ACTR2: variants seen among roughly 807,000 people sequenced by gnomAD.
The protein encoded by ACTR2 is actin related protein 2.
A neutral mutation model predicts 50.2 loss-of-function variants in ACTR2; 5 were observed. The observed-to-expected ratio is 0.10, with a 90% confidence interval of 0.05 to 0.21. The LOEUF (loss-of-function observed/expected upper bound fraction) is 0.21, where lower values mean the gene tolerates loss of function less well. Ranked by LOEUF, ACTR2 falls within the 10% of genes least tolerant of loss-of-function variation. The probability of loss-of-function intolerance (pLI) is 1.00; values close to 1 mark genes in which losing one functional copy is unlikely to be tolerated. For missense variants in ACTR2, 180 were observed against 480.6 expected (o/e 0.37, Z 5.85); for synonymous variants, 140 against 162.9 (o/e 0.86, Z 1.07).
At chr2:65,253,466 A>T (rs1008675044) in intron 4 of ACTR2, among the ~76,000 whole-genome samples, 4 of 152,062 alleles carry the variant, frequency 2.6e-5, no homozygotes, top group Non-Finnish European at 4.4e-5. Flanking sequence ...AGGAAAAAAA[A>T]GTCCTGTTTT....
chr2:65,261,611 A>G (rs538935455), intron 7 of ACTR2, among the ~76,000 whole-genome samples: 14 of 152,244 alleles, frequency 9.2e-5, no homozygotes, highest in Non-Finnish European at 1.8e-4. Flanking sequence ...AATGTTCTTC[A>G]TGTTTGCTTT....
At chr2:65,264,544 C>G (rs1046188349) in intron 7 of ACTR2, among the ~76,000 whole-genome samples, 1 of 152,012 alleles carries the variant, frequency 6.6e-6, no homozygotes, top group Non-Finnish European at 1.5e-5. Context: ...GGTACTGTAT[C>G]AGAAAAGAGG....
chr2:65,243,497 G>A (rs1261108855), intron 2 of ACTR2, among the ~76,000 whole-genome samples: 1 of 152,024 alleles, frequency 6.6e-6, no homozygotes, highest in East Asian at 1.9e-4. Flanking sequence ...ACCAGGCATA[G>A]TGATATGTGC....
intron 7 of ACTR2, 43 bp downstream of exon 7, chr2:65,261,435 T>G (rs374876810): frequency 4.5e-6 from 7 of 1,547,676 alleles, no homozygotes; most frequent in African/African-American, 1.4e-5. Context: ...ATCAGAAAAA[T>G]CATAAAAATA....
chr2:65,248,376 G>A (rs568326532), intron 3 of ACTR2, among the ~76,000 whole-genome samples: 1 of 152,122 alleles, frequency 6.6e-6, no homozygotes, highest in East Asian at 1.9e-4. Context: ...TTCCAGCCTG[G>A]GCGACAGGGT....
At chr2:65,237,987 C>CTT (rs1671771394) in intron 1 of ACTR2, among the ~76,000 whole-genome samples, 1 of 151,480 alleles carries the variant, frequency 6.6e-6, no homozygotes, top group South Asian at 2.1e-4. Flanking sequence ...GAGTGAGACT[C>CTT]TGTCTCAAAA....
intron 1 of ACTR2, among the ~76,000 whole-genome samples, chr2:65,236,784 G>C (rs1671749221): frequency 6.6e-6 from 1 of 152,114 alleles, no homozygotes; most frequent in Non-Finnish European, 1.5e-5. Context: ...TTTCCATCAT[G>C]TTGGTCAGGC....
At position 65,251,047 on chromosome 2, in the gene ACTR2, GT is replaced by G; in HGVS notation, c.400del (p.Ser134ProfsTer5). 6.2e-7 allele frequency: 1 copy of G among 1,606,102 alleles called. No homozygotes were observed. The highest frequency in any genetic ancestry group is 8.5e-7 in the Non-Finnish European group (1 of 1,176,460). ...TACAGGTAATGTTTGAAACTTACCAGTTTTCCGGTGTATATGTAGCCATCCA... is the reference window on the plus strand; with the variant it reads ...TACAGGTAATGTTTGAAACTTACCAGTTTCCGGTGTATATGTAGCCATCCA... ...IVEVMFETYQ[F>X]SGVYVAIQAV... On this transcript the variant is annotated frameshift_variant, in exon 4 of 9. Coordinates refer to ENST00000260641, the MANE Select transcript of ACTR2 (RefSeq NM_005722.4). LOFTEE classifies it high-confidence loss of function.
chr2:65,256,310 G>T (rs1431251255), intron 6 of ACTR2, among the ~76,000 whole-genome samples: 3 of 152,160 alleles, frequency 2.0e-5, no homozygotes, highest in Non-Finnish European at 4.4e-5. Context: ...ATGTTAACTT[G>T]AAATTGTAAC....
At chr2:65,248,740 T>C (rs574683469) in intron 3 of ACTR2, among the ~76,000 whole-genome samples, 1 of 152,126 alleles carries the variant, frequency 6.6e-6, no homozygotes, top group South Asian at 2.1e-4. Context: ...GAAAACGTTA[T>C]TGAGGCCGGG....
At position 65,246,759 on chromosome 2, in the gene ACTR2, A is replaced by G. The variant is rs774853333; in HGVS notation, c.375+20A>G. ...GTAGAGGTGAGTTTTTATGCAGGAT[A>G]TGCATATGTGTATTTCTGTGATATT... is the stretch of plus-strand genomic sequence containing the variant. On this transcript the variant is annotated intron_variant, in intron 3 of 8. Transcript: ENST00000260641. 3.1e-5 allele frequency: 46 copies of G among 1,477,340 alleles called. No individual in the cohort carries two copies. The highest frequency in any genetic ancestry group is 4.2e-5 in the Non-Finnish European group (45 of 1,071,472). The allele number at this position is 1,477,340 out of a possible 1,614,324, so 91.5% of individuals were successfully genotyped here. A position where few individuals can be genotyped will look rare whatever the true frequency, so the allele number is the denominator to read the frequency against.
At chr2:65,242,678 C>T (rs1558622294) in intron 2 of ACTR2, 1 of 508,600 alleles carries the variant, frequency 2.0e-6, no homozygotes. Flanking sequence ...AACAGATTTC[C>T]CCCCCAAACA....
At chr2:65,260,126 T>C (rs940003579) in intron 6 of ACTR2, among the ~76,000 whole-genome samples, 1 of 152,222 alleles carries the variant, frequency 6.6e-6, no homozygotes, top group Non-Finnish European at 1.5e-5. Context: ...GATTAAATGA[T>C]TTGATAGAAG....
At chr2:65,244,077 G>C (rs2103994374) in intron 2 of ACTR2, among the ~76,000 whole-genome samples, 1 of 152,228 alleles carries the variant, frequency 6.6e-6, no homozygotes, top group East Asian at 1.9e-4. Context: ...AGGAAGGTAA[G>C]GATACTCAAT....
In ACTR2 at chr2:65,236,043, A is replaced by G. The variant is rs561796928; in HGVS notation, c.49-3809A>G. On this transcript the variant is annotated intron_variant, in intron 1 of 8. Coordinates refer to ENST00000260641, the MANE Select transcript of ACTR2 (RefSeq NM_005722.4). Reference sequence around the variant, plus strand: ...GATTGTCATGACTGTAACATATTTGAAAAAACTCTGTTTTTAAAAGACTAA... The same window carrying G: ...GATTGTCATGACTGTAACATATTTGGAAAAACTCTGTTTTTAAAAGACTAA... Among the ~76,000 whole-genome samples, 69 of 152,308 alleles carry G rather than the reference A, an allele frequency of 4.5e-4. 2 individuals carry two copies. In the South Asian group the frequency reaches 0.014, roughly 32 times the overall value.
chr2:65,258,947 G>A (rs1672206747), intron 6 of ACTR2, among the ~76,000 whole-genome samples: 1 of 152,040 alleles, frequency 6.6e-6, no homozygotes, highest in Non-Finnish European at 1.5e-5. Context: ...GTTTTTTTAA[G>A]GGTATAAGTT....
At chr2:65,247,923 AAGTG>A (rs982980455) in intron 3 of ACTR2, among the ~76,000 whole-genome samples, 4 of 152,180 alleles carry the variant, frequency 2.6e-5, no homozygotes, top group Admixed American at 6.5e-5. Context: ...CAGACAGGGT[AAGTG>A]AGTTAGCCAG....
chr2:65,242,687 C>T (rs896197723), intron 2 of ACTR2: 1 of 505,366 alleles, frequency 2.0e-6, no homozygotes. Flanking sequence ...CCCCCCCAAA[C>T]ATTGTACAGT....
chr2:65,265,001 C>A (rs754245238), intron 7 of ACTR2, 42 bp from the exon 8 acceptor site: 2 of 1,609,756 alleles, frequency 1.2e-6, no homozygotes, highest in Non-Finnish European at 1.7e-6. Flanking sequence ...TACCATTTTC[C>A]TAACCTAAAA....
Sources: allele counts gnomAD v4.1 joint callset (sites outside exome capture counted in the v4.1 genomes callset), GRCh38; gene constraint gnomAD v4.1.1; transcripts MANE v1.5; gene names NCBI Gene and HGNC (gene_info 2026-07-23, HGNC 2026-07-21).